SH3RF3: variants seen among roughly 807,000 people sequenced by gnomAD.
SH3RF3 encodes E3 ubiquitin-protein ligase SH3RF3.
In SH3RF3, 29 loss-of-function variants were observed where a neutral mutation model predicts 66.3. That is an observed-to-expected ratio of 0.44 (90% CI 0.33 to 0.60). The LOEUF (loss-of-function observed/expected upper bound fraction) is 0.60, where lower values mean the gene tolerates loss of function less well. SH3RF3 is among the 20% of genes least tolerant of loss of function. The pLI is 0.04. For missense variants in SH3RF3, 1,194 were observed against 1,190.9 expected, an observed-to-expected ratio of 1.00 and a Z score of -0.04; for synonymous variants, 583 against 532.0, an observed-to-expected ratio of 1.10 and a Z score of -1.32.
At position 109,129,531 on chromosome 2, in the gene SH3RF3, C is replaced by T; in HGVS notation, c.-10C>T. ...GGCAGCCGCGCGAGACCGCTGCGGG[C>T]GCCTCCCCCATGCTGCTCGGAGCGT... is the stretch of plus-strand genomic sequence containing the variant. On this transcript the variant is annotated 5_prime_UTR_variant, in exon 1 of 10. Transcript: ENST00000309415. The T allele has an allele frequency of 3.3e-6, 5 of 1,496,838 alleles. No individual in the cohort carries two copies. The highest frequency in any genetic ancestry group is 4.4e-6 in the Non-Finnish European group (5 of 1,129,660). The allele number at this position is 1,496,838 out of a possible 1,614,324, so 92.7% of individuals were successfully genotyped here.
intron 8 of SH3RF3, among the ~76,000 whole-genome samples, chr2:109,477,350 G>A (rs1189897032): frequency 6.6e-6 from 1 of 152,144 alleles, no homozygotes; most frequent in African/African-American, 2.4e-5. Context: ...AAAGTGACAG[G>A]TATATGGGCC....
chr2:109,429,970 GCACAGCCCACCCCA>G (rs1357368274), intron 5 of SH3RF3, among the ~76,000 whole-genome samples: 2 of 152,176 alleles, frequency 1.3e-5, no homozygotes, highest in African/African-American at 4.8e-5. Flanking sequence ...CCTCCACAGA[GCACAGCCCACCCCA>G]CACAGGCCAC....
rs115207334 is a variant in SH3RF3, at chr2:109,208,399, C to T, written c.573+78286C>T. On this transcript the variant is annotated intron_variant, in intron 1 of 9. Transcript: ENST00000309415. ...GGTCTTCAGGGATGGGCAGCTTATG[C>T]TTCCTGTATCTTGGAACACTTGCTG... 8.1e-3 allele frequency among the ~76,000 whole-genome samples: 1,228 copies of T among 152,302 alleles called. 4 individuals carry two copies. The highest frequency in any genetic ancestry group is 0.017 in the Middle Eastern group (5 of 294).
chr2:109,418,042 C>T (rs562217701), intron 4 of SH3RF3, among the ~76,000 whole-genome samples: 17 of 152,182 alleles, frequency 1.1e-4, no homozygotes, highest in East Asian at 7.7e-4. Flanking sequence ...TAGTGCCTTT[C>T]GCTCACCTGA....
chr2:109,156,551 TTC>T (rs1483177312), intron 1 of SH3RF3, among the ~76,000 whole-genome samples: 2 of 152,090 alleles, frequency 1.3e-5, no homozygotes, highest in African/African-American at 4.8e-5. Flanking sequence ...GTTCAAGCGA[TTC>T]TTCTGCCTCA....
At chr2:109,439,172 A>G (rs777586760) in intron 7 of SH3RF3, among the ~76,000 whole-genome samples, 54 of 152,306 alleles carry the variant, frequency 3.5e-4, no homozygotes, top group African/African-American at 1.3e-3. Flanking sequence ...GCAGTGCAAC[A>G]TTGTGTCTCA....
rs1472918924 is a variant in SH3RF3 at position 109,503,583 on chromosome 2, A to C, written c.*1912A>C. ...AGCTCTCTATTTACCATTATTGCCA[A>C]ACTTCATCAGTTGCCCATCCTGCAC... On this transcript the variant is annotated 3_prime_UTR_variant, in exon 10 of 10. Transcript: ENST00000309415. 1.3e-5 allele frequency: 2 copies of C among 152,204 alleles called. No homozygotes were observed. The highest frequency in any genetic ancestry group is 4.8e-5 in the African/African-American group (2 of 41,448). The allele number at this position is 152,204 out of a possible 1,614,324, so 9.4% of individuals were successfully genotyped here. A position where few individuals can be genotyped will look rare whatever the true frequency, so the allele number is the denominator to read the frequency against.
intron 1 of SH3RF3, among the ~76,000 whole-genome samples, chr2:109,221,007 C>T (rs532409773): frequency 1.1e-4 from 17 of 152,234 alleles, no homozygotes; most frequent in Non-Finnish European, 2.1e-4. Context: ...AGCCAAATGT[C>T]CACTGACAGA....
intron 1 of SH3RF3, among the ~76,000 whole-genome samples, chr2:109,290,974 A>T (rs1681154360): frequency 6.6e-6 from 1 of 152,242 alleles, no homozygotes; most frequent in African/African-American, 2.4e-5. Flanking sequence ...TGCCGGGTAC[A>T]TAGTAGGTGC....
intron 1 of SH3RF3, among the ~76,000 whole-genome samples, chr2:109,187,410 G>C (rs996814356): frequency 6.6e-6 from 1 of 151,680 alleles, no homozygotes; most frequent in Non-Finnish European, 1.5e-5. Flanking sequence ...TGGTGCTTAA[G>C]GCCGCACACA....
chr2:109,420,372 T>TC (rs112413839), intron 5 of SH3RF3, among the ~76,000 whole-genome samples: 7,890 of 152,210 alleles, frequency 0.052, 577 homozygotes, highest in African/African-American at 0.17. Flanking sequence ...GCAGGGTGGG[T>TC]AGACGTCAGA....
At chr2:109,295,925 G>T (rs1164707794) in intron 1 of SH3RF3, among the ~76,000 whole-genome samples, 1 of 152,168 alleles carries the variant, frequency 6.6e-6, no homozygotes, top group Non-Finnish European at 1.5e-5. Flanking sequence ...CCAGCCTCCT[G>T]CCTGTGCCGA....
At chr2:109,236,629 C>T (rs1027432880) in intron 1 of SH3RF3, among the ~76,000 whole-genome samples, 7 of 152,138 alleles carry the variant, frequency 4.6e-5, no homozygotes, top group Admixed American at 1.3e-4. Context: ...AACATTACCA[C>T]GAGAAGATGC....
At chr2:109,160,549 T>A (rs952748339) in intron 1 of SH3RF3, among the ~76,000 whole-genome samples, 5 of 152,214 alleles carry the variant, frequency 3.3e-5, no homozygotes, top group Non-Finnish European at 7.3e-5. Context: ...CCTCTCTGGC[T>A]TAATCTCATC....
intron 1 of SH3RF3, among the ~76,000 whole-genome samples, chr2:109,209,205 T>C (rs1678909972): frequency 1.3e-5 from 2 of 152,208 alleles, no homozygotes; most frequent in South Asian, 4.1e-4. Context: ...GGTGGTCTCA[T>C]ATGCCGTGGC....
Position 109,490,949 on chromosome 2 carries a change from G to C in SH3RF3, c.2480+13G>C. On this transcript the variant is annotated intron_variant, in intron 9 of 9. Transcript: ENST00000309415. Reference sequence around the variant, plus strand: ...TGCCCAGAGAGAGGTAAGTGCAGGGGCTTGTCTGCTCTGTGGCATGCTGTG... The same window carrying C: ...TGCCCAGAGAGAGGTAAGTGCAGGGCCTTGTCTGCTCTGTGGCATGCTGTG... The C allele has an allele frequency of 6.8e-7, 1 of 1,468,082 alleles. No individual in the cohort carries two copies. Among genetic ancestry groups the C allele is most frequent in the Admixed American group, 2.2e-5 (1 of 45,044 alleles). 90.9% of individuals were successfully genotyped at this position (1,468,082 alleles called of 1,614,324 possible).
intron 1 of SH3RF3, among the ~76,000 whole-genome samples, chr2:109,338,738 A>T (rs1682485882): frequency 1.3e-5 from 2 of 152,228 alleles, no homozygotes; most frequent in Admixed American, 1.3e-4. Context: ...GTGTATTTTT[A>T]GTAGAGATGG....
At chr2:109,251,327 A>G (rs1439345944) in intron 1 of SH3RF3, 1 of 483,948 alleles carries the variant, frequency 2.1e-6, no homozygotes, top group Non-Finnish European at 3.9e-6. Flanking sequence ...TTAACAAAGA[A>G]TTAGAGAGAT....
rs1675903456 is a variant in SH3RF3, at chr2:109,388,862, G to A, written c.946-9728G>A. Among the ~76,000 whole-genome samples, 6 of 152,292 alleles carry A rather than the reference G, an allele frequency of 3.9e-5. No individual in the cohort carries two copies. The South Asian group carries it at 1.2e-3, about 32-fold the overall frequency. On this transcript the variant is annotated intron_variant, in intron 3 of 9. Coordinates refer to ENST00000309415, the MANE Select transcript of SH3RF3 (RefSeq NM_001099289.3). The stretch of plus-strand genomic sequence containing the variant: ...GAGAGAAGGGGGTATAGAGACGGGA[G>A]GGAAGGAGGAAATGCTTGCCACCTG...
Sources: allele counts gnomAD v4.1 joint callset (sites outside exome capture counted in the v4.1 genomes callset), GRCh38; gene constraint gnomAD v4.1.1; transcripts MANE v1.5; gene names NCBI Gene and HGNC (gene_info 2026-07-23, HGNC 2026-07-21).